The following FMN1 variants were observed in gnomAD, a reference collection of about 807,000 sequenced individuals.
The protein encoded by FMN1 is formin-1.
In FMN1, 110 loss-of-function variants were observed where a neutral mutation model predicts 132.4. The ratio of observed to expected loss-of-function variants is 0.83; its 90% CI spans 0.71 to 0.97. The LOEUF (loss-of-function observed/expected upper bound fraction) is 0.97, where lower values mean the gene tolerates loss of function less well. Among genes scored for constraint, FMN1 ranks in the 50% least tolerant of loss-of-function variants. FMN1 has a pLI of 0.00. For missense variants in FMN1, 1,792 were observed against 1,705.3 expected (o/e 1.05, Z -0.90); for synonymous variants, 722 against 651.7 (o/e 1.11, Z -1.64).
At chr15:33,081,520 G>C (rs2038458920) in intron 5 of FMN1, among the ~76,000 whole-genome samples, 1 of 152,134 alleles carries the variant, frequency 6.6e-6, no homozygotes, top group African/African-American at 2.4e-5. Flanking sequence ...GTTCTGTGTT[G>C]TAATTCTGGT....
intron 2 of FMN1, among the ~76,000 whole-genome samples, chr15:33,185,568 A>ATTTT (rs57232200): frequency 8.8e-6 from 1 of 113,438 alleles, no homozygotes; most frequent in African/African-American, 4.2e-5. Flanking sequence ...TAAAGTAAGA[A>ATTTT]TTTTTTTTTT....
intron 8 of FMN1, among the ~76,000 whole-genome samples, chr15:32,967,831 G>A (rs1261830293): frequency 6.6e-6 from 1 of 152,192 alleles, no homozygotes. Flanking sequence ...TATATAAATT[G>A]AAGAATGCAT....
At chr15:32,981,124 A>C (rs753043540) in intron 7 of FMN1, among the ~76,000 whole-genome samples, 1 of 152,138 alleles carries the variant, frequency 6.6e-6, no homozygotes, top group Non-Finnish European at 1.5e-5. Context: ...TTTTTCAAAA[A>C]ATGTTTCCAT....
chr15:33,035,357 G>T (rs1477403288), intron 6 of FMN1, among the ~76,000 whole-genome samples: 1 of 152,124 alleles, frequency 6.6e-6, no homozygotes, highest in East Asian at 1.9e-4. Context: ...AATAAAAAAT[G>T]ATTTTTTTCC....
intron 17 of FMN1, among the ~76,000 whole-genome samples, chr15:32,828,489 C>T (rs1421410449): frequency 1.3e-5 from 2 of 150,222 alleles, no homozygotes; most frequent in African/African-American, 4.9e-5. Flanking sequence ...TTTTGTAATT[C>T]TTTATCATTT....
In FMN1 at chr15:32,964,245, T is replaced by C; in HGVS notation, c.3000A>G (p.Thr1000=). ...CTTCTAAGGAGTCCCATAAGGTTGG[T>C]GTAGCATTTTGGCTTAAAAGAGAAA... ...IQISDRSQNA[T]PTLWDSLEEP... is the part of the protein sequence containing the mutation. Residue 1000 remains threonine, a synonymous_variant, in exon 9 of 21, where the codon ACA becomes ACG. Coordinates refer to ENST00000616417, the MANE Select transcript of FMN1 (RefSeq NM_001277313.2). The C allele has an allele frequency of 1.3e-6, 2 of 1,586,156 alleles. No individual in the cohort carries two copies. Among genetic ancestry groups the C allele is most frequent in the East Asian group, 4.5e-5 (2 of 44,730 alleles).
Position 33,064,936 on chromosome 15 carries a change from C to G in FMN1, c.2161+21G>C, listed in dbSNP as rs770807149. The G allele has an allele frequency of 3.2e-6, 5 of 1,548,572 alleles. No individual in the cohort carries two copies. In the Admixed American group the frequency reaches 8.6e-5, roughly 27 times the overall value. ...GCAGGAAGAGATTCATTCCCGGGTCCCTAGCTTCCTTTCACATTACCTGCT... is the reference window on the plus strand; with the variant it reads ...GCAGGAAGAGATTCATTCCCGGGTCGCTAGCTTCCTTTCACATTACCTGCT... On this transcript the variant is annotated intron_variant, in intron 6 of 20. Coordinates refer to ENST00000616417, the MANE Select transcript of FMN1 (RefSeq NM_001277313.2).
At chr15:32,788,021 T>C (rs1470843570) in intron 19 of FMN1, among the ~76,000 whole-genome samples, 2 of 149,632 alleles carry the variant, frequency 1.3e-5, no homozygotes, top group African/African-American at 4.9e-5. Context: ...GCTACACAGA[T>C]CAGCCACTTC....
chr15:33,113,347 A>G (rs1193343136), intron 4 of FMN1, among the ~76,000 whole-genome samples: 2 of 152,148 alleles, frequency 1.3e-5, no homozygotes, highest in South Asian at 4.1e-4. Context: ...TGAATTATCT[A>G]TTGTTTTAAA....
intron 7 of FMN1, among the ~76,000 whole-genome samples, chr15:32,971,720 T>C (rs748568062): frequency 7.4e-4 from 113 of 152,242 alleles, no homozygotes; most frequent in Admixed American, 2.0e-3. Context: ...AACTTCTTAA[T>C]GATATGAAAG....
chr15:33,070,603 G>A (rs2037961839), intron 5 of FMN1, among the ~76,000 whole-genome samples: 1 of 152,054 alleles, frequency 6.6e-6, no homozygotes, highest in South Asian at 2.1e-4. Flanking sequence ...AATTTCATGG[G>A]AAGTGGGTCA....
intron 2 of FMN1, among the ~76,000 whole-genome samples, chr15:33,185,546 A>ATTT (rs886840744): frequency 7.1e-6 from 1 of 141,684 alleles, no homozygotes; most frequent in Non-Finnish European, 1.5e-5. Context: ...ATTTGTAGTA[A>ATTT]TTTTTTTTTA....
chr15:32,968,179 A>T (rs1197695596), intron 8 of FMN1, among the ~76,000 whole-genome samples: 1 of 152,250 alleles, frequency 6.6e-6, no homozygotes, highest in Non-Finnish European at 1.5e-5. Context: ...GTTCAAGCAG[A>T]GAGAGTTTGT....
Position 32,771,862 on chromosome 15 carries a change from G to A in FMN1, c.*2448C>T, listed in dbSNP as rs959033338. On this transcript the variant is annotated 3_prime_UTR_variant, in exon 21 of 21. Transcript: ENST00000616417. The stretch of plus-strand genomic sequence containing the variant: ...GAACAAATTGTCATTGACCTTTACT[G>A]AGCATCAATTTGAGTTAAAAATGAA... 4 of 152,168 alleles carry A rather than the reference G, an allele frequency of 2.6e-5. No individual in the cohort carries two copies. The highest frequency in any genetic ancestry group is 9.7e-5 in the African/African-American group (4 of 41,422). The allele number at this position is 152,168 out of a possible 1,614,324, so 9.4% of individuals were successfully genotyped here.
chr15:32,921,910 C>T (rs2060835119), intron 10 of FMN1, among the ~76,000 whole-genome samples: 1 of 152,072 alleles, frequency 6.6e-6, no homozygotes, highest in African/African-American at 2.4e-5. Flanking sequence ...TGGGCTCAAG[C>T]AATCCACCTG....
At chr15:32,907,231 T>C (rs973466191) in intron 12 of FMN1, among the ~76,000 whole-genome samples, 1 of 152,208 alleles carries the variant, frequency 6.6e-6, no homozygotes. Flanking sequence ...GATATAATTA[T>C]ACAACTCACC....
intron 4 of FMN1, among the ~76,000 whole-genome samples, chr15:33,117,264 T>C (rs2039963994): frequency 6.6e-6 from 1 of 152,200 alleles, no homozygotes; most frequent in Non-Finnish European, 1.5e-5. Context: ...CCTCAGATTC[T>C]GGCAATAACA....
chr15:33,010,751 T>C (rs961212098), intron 6 of FMN1, among the ~76,000 whole-genome samples: 1 of 152,038 alleles, frequency 6.6e-6, no homozygotes, highest in Non-Finnish European at 1.5e-5. Context: ...TCAACAAAAA[T>C]ATACAAAAAT....
Position 32,948,292 on chromosome 15 carries a change from A to C in FMN1, c.3138+15815T>G, listed in dbSNP as rs189053766. On this transcript the variant is annotated intron_variant, in intron 9 of 20. Transcript: ENST00000616417. The stretch of plus-strand genomic sequence containing the variant: ...GGAATAAATCAGTTAATTATCAAAC[A>C]TTTTTTTATATATTTCTGGATTTCA... Among the ~76,000 whole-genome samples the C allele has an allele frequency of 2.1e-5, 3 of 142,532 alleles. 1 individual carries two copies. In the South Asian group the frequency reaches 6.2e-4, roughly 30 times the overall value. The allele number at this position is 142,532 out of a possible 152,430, so 93.5% of individuals were successfully genotyped here.
Sources: allele counts gnomAD v4.1 joint callset (sites outside exome capture counted in the v4.1 genomes callset), GRCh38; gene constraint gnomAD v4.1.1; transcripts MANE v1.5; gene names NCBI Gene and HGNC (gene_info 2026-07-23, HGNC 2026-07-21).